MMAB: variants seen among roughly 807,000 people sequenced by gnomAD.
MMAB encodes corrinoid adenosyltransferase MMAB.
In MMAB, 17 loss-of-function variants were observed where a neutral mutation model predicts 30.6. The ratio of observed to expected loss-of-function variants is 0.56; its 90% confidence interval spans 0.38 to 0.83. MMAB has a LOEUF of 0.83. Ranked by LOEUF, MMAB falls within the 40% of genes least tolerant of loss-of-function variation. The pLI is 0.00. For missense variants in MMAB, 311 were observed against 331.6 expected (o/e 0.94, Z 0.48); for synonymous variants, 134 against 138.6 (o/e 0.97, Z 0.23).
rs1448206506 is a variant in MMAB at position 109,556,169 on chromosome 12, A to G, written c.*859T>C. On this transcript the variant is annotated 3_prime_UTR_variant, in exon 9 of 9. Coordinates refer to ENST00000545712, the MANE Select transcript of MMAB (RefSeq NM_052845.4). Reference sequence around the variant, plus strand: ...CAACTGAAATAAATACAGCCGTGGCACCGATCTCAGAGGCATAAGCCAGCC... The same window carrying G: ...CAACTGAAATAAATACAGCCGTGGCGCCGATCTCAGAGGCATAAGCCAGCC... The G allele has an allele frequency of 2.2e-6, 1 of 453,698 alleles. No homozygotes were observed. Among genetic ancestry groups the G allele is most frequent in the East Asian group, 6.9e-5 (1 of 14,400 alleles). The allele number at this position is 453,698 out of a possible 1,614,324, so 28.1% of individuals were successfully genotyped here.
Position 109,555,274 on chromosome 12 carries a change from G to GGTTTTTTTTT in MMAB, c.*1744_*1753dup, listed in dbSNP as rs1592992615. The GGTTTTTTTTT allele has an allele frequency of 8.9e-6, 3 of 338,532 alleles. No homozygotes were observed. The African/African-American group carries it at 1.3e-4, about 14-fold the overall frequency. The allele number at this position is 338,532 out of a possible 1,614,324, so 21.0% of individuals were successfully genotyped here. A position where few individuals can be genotyped will look rare whatever the true frequency, so the allele number is the denominator to read the frequency against. ...CGAGCCTTAGTGATTGCGTTTTCAGGGTTTTTTTTTTTTTTTTTTTTTTTT... is the reference window on the plus strand; with the variant it reads ...CGAGCCTTAGTGATTGCGTTTTCAGGGTTTTTTTTTGTTTTTTTTTTTTTTTTTTTTTTTT... On this transcript the variant is annotated 3_prime_UTR_variant, in exon 9 of 9. Coordinates refer to ENST00000545712, the MANE Select transcript of MMAB (RefSeq NM_052845.4).
rs1010201661 is a variant in MMAB, at chr12:109,569,155, C to T, written c.197-292G>A. On this transcript the variant is annotated intron_variant, in intron 2 of 8. Transcript: ENST00000545712. The surrounding 1 kb of genome is among the most constrained non-coding windows in gnomAD (Gnocchi z 4.1). ...GAGACGGGTTTTCGCCCATGTTGGCCGAGCTAGTCTTGAACTCCTGGTCTC... is the reference window on the plus strand; with the variant it reads ...GAGACGGGTTTTCGCCCATGTTGGCTGAGCTAGTCTTGAACTCCTGGTCTC... Among the ~76,000 whole-genome samples, 3 of 152,028 alleles carry T rather than the reference C, an allele frequency of 2.0e-5. No individual in the cohort carries two copies. Among genetic ancestry groups the T allele is most frequent in the African/African-American group, 7.2e-5 (3 of 41,384 alleles).
intron 2 of MMAB, among the ~76,000 whole-genome samples, chr12:109,570,833 CA>C (rs1361563212): frequency 7.0e-6 from 1 of 143,344 alleles, no homozygotes; most frequent in Non-Finnish European, 1.5e-5. Flanking sequence ...ATGACTGAGC[CA>C]CTGCACTCCA....
rs72650185 is a variant in MMAB, at chr12:109,559,417, C to T, written c.585-262G>A. On this transcript the variant is annotated intron_variant, in intron 7 of 8. Transcript: ENST00000545712. ...TGAGTTGAGGGAGCCACCTGGCCTACACCACACCCCAGCCAGCCAGCTTTT... is the reference window on the plus strand; with the variant it reads ...TGAGTTGAGGGAGCCACCTGGCCTATACCACACCCCAGCCAGCCAGCTTTT... Among the ~76,000 whole-genome samples, 8,170 of 152,320 alleles carry T rather than the reference C, an allele frequency of 0.054. 305 individuals are homozygous for T. Among genetic ancestry groups the T allele is most frequent in the Non-Finnish European group, 0.083 (5,630 of 68,024 alleles).
chr12:109,568,889 C>A, intron 2 of MMAB, 26 bp from the exon 3 acceptor site: 1 of 1,512,008 alleles, frequency 6.6e-7, no homozygotes, highest in Non-Finnish European at 9.2e-7. Flanking sequence ...TTTAGCCACC[C>A]AAATTAAGAT....
At chr12:109,572,411 A>ATTTTT (rs34992643) in intron 1 of MMAB, among the ~76,000 whole-genome samples, 2 of 119,060 alleles carry the variant, frequency 1.7e-5, no homozygotes, top group African/African-American at 6.9e-5. Context: ...CACCCAGCTA[A>ATTTTT]TTTTTTTTTT....
rs1045052019 is a variant in MMAB, at chr12:109,554,427, G to A, written c.*2601C>T. The A allele has an allele frequency of 6.6e-6, 3 of 453,982 alleles. No individual in the cohort carries two copies. Among genetic ancestry groups the A allele is most frequent in the East Asian group, 6.9e-5 (1 of 14,410 alleles). The allele number at this position is 453,982 out of a possible 1,614,324, so 28.1% of individuals were successfully genotyped here. A position where few individuals can be genotyped will look rare whatever the true frequency, so the allele number is the denominator to read the frequency against. ...GGAGGCATTTTCATGGGTGCAAAAT[G>A]TAAGGAAGTGCCCACAAACTCAGGG... On this transcript the variant is annotated 3_prime_UTR_variant, in exon 9 of 9. Transcript: ENST00000545712.
chr12:109,561,217 C>G lies in MMAB; in HGVS notation c.520-113G>C. 6.3e-7 allele frequency: 1 copy of G among 1,595,994 alleles called. No homozygotes were observed. Among genetic ancestry groups the G allele is most frequent in the South Asian group, 1.1e-5 (1 of 90,816 alleles). ...CCCAAACCGGGCAGTGTTCTGCCTC[C>G]AGGAGCCCTGCCACGGCACACCCAC... On this transcript the variant is annotated intron_variant, in intron 6 of 8. Coordinates refer to ENST00000545712, the MANE Select transcript of MMAB (RefSeq NM_052845.4). The surrounding 1 kb of genome is among the most constrained non-coding windows in gnomAD (Gnocchi z 5.3).
chr12:109,557,226 G>A (rs1884012277), intron 8 of MMAB, 90 bp from the exon 9 acceptor site: 3 of 923,504 alleles, frequency 3.2e-6, no homozygotes, highest in South Asian at 1.3e-5. Context: ...CTACAAGGAG[G>A]AGATATAAAT....
rs968693088 is a variant in MMAB, at chr12:109,554,735, C to T, written c.*2293G>A. 2.2e-6 allele frequency: 1 copy of T among 454,036 alleles called. No homozygotes were observed. The highest frequency in any genetic ancestry group is 2.0e-5 in the African/African-American group (1 of 50,026). 28.1% of individuals were successfully genotyped at this position (454,036 alleles called of 1,614,324 possible). On this transcript the variant is annotated 3_prime_UTR_variant, in exon 9 of 9. Coordinates refer to ENST00000545712, the MANE Select transcript of MMAB (RefSeq NM_052845.4). The stretch of plus-strand genomic sequence containing the variant: ...TTTGCTCAGTGTACAGAGGGGTACA[C>T]ATCTTTTCTTTTGCCTCGGGCTCTT...
At chr12:109,571,883 A>C (rs770282644) in intron 1 of MMAB, among the ~76,000 whole-genome samples, 173 bp from the exon 2 acceptor site, 9 of 152,308 alleles carry the variant, frequency 5.9e-5, no homozygotes, top group South Asian at 2.1e-4. Flanking sequence ...TCTAATAGCA[A>C]ACATTTTGTG....
chr12:109,555,538 C>T lies in MMAB; in HGVS notation c.*1490G>A, dbSNP rs1883942711. On this transcript the variant is annotated 3_prime_UTR_variant, in exon 9 of 9. Transcript: ENST00000545712. ...CAAACTCCTGACCTCAGGTGATCTG[C>T]CTGCCTCGGCCTCCCAAAGTCCGTT... is the stretch of plus-strand genomic sequence containing the variant. 2 of 443,860 alleles carry T rather than the reference C, an allele frequency of 4.5e-6. No individual in the cohort carries two copies. Among genetic ancestry groups the T allele is most frequent in the Admixed American group, 4.9e-5 (2 of 41,120 alleles). The allele number at this position is 443,860 out of a possible 1,614,324, so 27.5% of individuals were successfully genotyped here. A position where few individuals can be genotyped will look rare whatever the true frequency, so the allele number is the denominator to read the frequency against.
Position 109,561,411 on chromosome 12 carries a change from A to G in MMAB, c.519+9T>C. 6.5e-7 allele frequency: 1 copy of G among 1,549,920 alleles called. No homozygotes were observed. Among genetic ancestry groups the G allele is most frequent in the Non-Finnish European group, 8.7e-7 (1 of 1,146,208 alleles). ...CAGCCGCCCCCGGTTAAGCCTGCCC[A>G]GTACCTACAGGCAGGATGAAGGCCG... On this transcript the variant is annotated intron_variant, in intron 6 of 8. Transcript: ENST00000545712. This position sits in a 1 kb window ranked among gnomAD's most constrained non-coding sequence, Gnocchi z 5.3.
intron 2 of MMAB, chr12:109,570,161 G>T (rs1050597770): frequency 1.2e-5 from 3 of 240,784 alleles, no homozygotes; most frequent in Non-Finnish European, 2.6e-5. Context: ...TATTCGCGAG[G>T]CTGAGGCATA....
In MMAB at chr12:109,568,716, G is replaced by A. The variant is rs911759681; in HGVS notation, c.290+54C>T. On this transcript the variant is annotated intron_variant, in intron 3 of 8. Transcript: ENST00000545712. ...TGCGTGAGAGCTTCACATTCATTAC[G>A]TTTACTCATACTCGACTCAAACGCA... is the stretch of plus-strand genomic sequence containing the variant. The A allele has an allele frequency of 6.8e-6, 9 of 1,329,356 alleles. No individual in the cohort carries two copies. In the African/African-American group the frequency reaches 1.0e-4, roughly 15 times the overall value. The allele number at this position is 1,329,356 out of a possible 1,614,324, so 82.3% of individuals were successfully genotyped here.
chr12:109,557,660 C>T (rs1223597114), intron 8 of MMAB, among the ~76,000 whole-genome samples: 1 of 152,204 alleles, frequency 6.6e-6, no homozygotes, highest in Non-Finnish European at 1.5e-5. Flanking sequence ...TCTGTGTGTT[C>T]GGGGCTGTCC....
In MMAB at chr12:109,561,072, G is replaced by A. The variant is rs1383406108; in HGVS notation, c.552C>T (p.Phe184=). The A allele has an allele frequency of 6.3e-7, 1 of 1,591,012 alleles. No homozygotes were observed. Among genetic ancestry groups the A allele is most frequent in the Non-Finnish European group, 8.6e-7 (1 of 1,167,436 alleles). The change falls in exon 7 of 9, where the codon TTC becomes TTT. Residue 184 remains phenylalanine (F), a synonymous_variant. Transcript: ENST00000545712. This position sits in a 1 kb window ranked among gnomAD's most constrained non-coding sequence, Gnocchi z 5.3. ...SGGKISSALH[F]CRAVCRRAER... is the part of the protein sequence containing the mutation. ...CGGCCCGGCGGCACACGGCCCGGCA[G>A]AAATGCAGCGCCGAGCTGATCTTGC...
Position 109,558,801 on chromosome 12 carries a change from T to C in MMAB, c.644+295A>G, listed in dbSNP as rs1349250947. Among the ~76,000 whole-genome samples, 1 of 151,206 alleles carries C rather than the reference T, an allele frequency of 6.6e-6. No individual in the cohort carries two copies. Among genetic ancestry groups the C allele is most frequent in the Non-Finnish European group, 1.5e-5 (1 of 67,910 alleles). On this transcript the variant is annotated intron_variant, in intron 8 of 8. Transcript: ENST00000545712. The surrounding 1 kb of genome is among the most constrained non-coding windows in gnomAD (Gnocchi z 4.3). ...AGCACCCAGCCTCTAAGAACGCCCT[T>C]TGCCCCCGCAATGCCACTTTGCACT...
At chr12:109,573,218 A>G (rs1470866965) in intron 1 of MMAB, 129 bp downstream of exon 1, 1 of 1,270,022 alleles carries the variant, frequency 7.9e-7, no homozygotes, top group African/African-American at 1.5e-5. Context: ...TGCCATGGTG[A>G]CGTCAGAACA....
Sources: gnomAD v4.1 joint callset for allele counts (sites outside exome capture counted in the v4.1 genomes callset) on GRCh38, gnomAD v4.1.1 for gene constraint, Gnocchi (gnomAD v3.1) non-coding constraint, MANE v1.5 for transcripts, NCBI Gene and HGNC (gene_info 2026-07-23, HGNC 2026-07-21) for gene names.